The following LHFPL2 variants were observed in gnomAD, a reference collection of about 807,000 sequenced individuals.
LHFPL2 encodes LHFPL tetraspan subfamily member 2.
A neutral mutation model predicts 17.5 loss-of-function variants in LHFPL2; 7 were observed. The ratio of observed to expected loss-of-function variants is 0.40; its 90% CI spans 0.23 to 0.75. The LOEUF (loss-of-function observed/expected upper bound fraction) is 0.75, where lower values mean the gene tolerates loss of function less well. Ranked by LOEUF, LHFPL2 falls within the 30% of genes least tolerant of loss-of-function variation. The probability of loss-of-function intolerance (pLI) is 0.37; values close to 1 mark genes in which losing one functional copy is unlikely to be tolerated. For missense variants in LHFPL2, 241 were observed against 294.8 expected (o/e 0.82, Z 1.34); for synonymous variants, 134 against 116.2 (o/e 1.15, Z -0.99).
chr5:78,581,412 G>A (rs1475816980), intron 2 of LHFPL2, among the ~76,000 whole-genome samples: 1 of 152,154 alleles, frequency 6.6e-6, no homozygotes. Context: ...CATTCAGTAT[G>A]ATATTGGCTG....
intron 2 of LHFPL2, among the ~76,000 whole-genome samples, chr5:78,574,722 G>C (rs886340155): frequency 2.6e-5 from 4 of 152,260 alleles, no homozygotes; most frequent in Non-Finnish European, 5.9e-5. Context: ...TGTGCTAACA[G>C]GTTGCAGATG....
intron 3 of LHFPL2, among the ~76,000 whole-genome samples, chr5:78,542,438 G>C (rs1188748410): frequency 1.3e-5 from 2 of 152,176 alleles, no homozygotes; most frequent in African/African-American, 4.8e-5. Context: ...AATCACCCTA[G>C]TGGGCTTCTC....
chr5:78,614,634 G>A (rs1013520411), intron 2 of LHFPL2, among the ~76,000 whole-genome samples: 22 of 152,070 alleles, frequency 1.4e-4, no homozygotes, highest in African/African-American at 5.3e-4. Flanking sequence ...AACTTATGGT[G>A]GAACCCATAT....
chr5:78,545,932 T>C (rs1455577397), intron 3 of LHFPL2, among the ~76,000 whole-genome samples: 1 of 152,166 alleles, frequency 6.6e-6, no homozygotes, highest in South Asian at 2.1e-4. Context: ...GCTAAGGCCA[T>C]GATACAGAGG....
intron 4 of LHFPL2, among the ~76,000 whole-genome samples, chr5:78,500,648 CAG>C (rs1204612170): frequency 2.0e-5 from 3 of 152,276 alleles, no homozygotes; most frequent in African/African-American, 7.2e-5. Flanking sequence ...GTTAGCCACT[CAG>C]AGTCTGAATA....
intron 4 of LHFPL2, among the ~76,000 whole-genome samples, chr5:78,502,919 T>C (rs1443465224): frequency 1.3e-5 from 2 of 151,328 alleles, no homozygotes; most frequent in Non-Finnish European, 2.9e-5. Flanking sequence ...GTATTTGTAC[T>C]GATTCTTAAA....
At chr5:78,544,993 T>C (rs1241596320) in intron 3 of LHFPL2, among the ~76,000 whole-genome samples, 1 of 152,154 alleles carries the variant, frequency 6.6e-6, no homozygotes, top group African/African-American at 2.4e-5. Flanking sequence ...CTCTGGATCG[T>C]GCATCACTCA....
chr5:78,559,698 G>A lies in LHFPL2; in HGVS notation c.-186+5115C>T, dbSNP rs528165929. ...CCTATATTTGGTCCAATTTACCATC[G>A]AGTAAAGGGAGAAGGTTGTTACACT... is the stretch of plus-strand genomic sequence containing the variant. On this transcript the variant is annotated intron_variant, in intron 3 of 4. Coordinates refer to ENST00000380345, the MANE Select transcript of LHFPL2 (RefSeq NM_005779.3). 5.9e-5 allele frequency among the ~76,000 whole-genome samples: 9 copies of A among 152,110 alleles called. No individual in the cohort carries two copies. The East Asian group carries it at 1.2e-3, about 20-fold the overall frequency.
intron 2 of LHFPL2, among the ~76,000 whole-genome samples, chr5:78,590,346 G>T (rs1167434349): frequency 6.6e-6 from 1 of 152,088 alleles, no homozygotes; most frequent in Non-Finnish European, 1.5e-5. Flanking sequence ...TGAAATCAAG[G>T]TCTTTATACT....
At chr5:78,514,483 G>T (rs543939533) in intron 3 of LHFPL2, among the ~76,000 whole-genome samples, 4 of 152,288 alleles carry the variant, frequency 2.6e-5, no homozygotes, top group African/African-American at 9.6e-5. Context: ...ATTCTTCCCA[G>T]AGCCCTAATT....
At chr5:78,644,264 A>G in intron 1 of LHFPL2, 1 of 781,630 alleles carries the variant, frequency 1.3e-6, no homozygotes. Context: ...TGCTAGAACC[A>G]ACTTATTCAT....
intron 2 of LHFPL2, chr5:78,625,763 A>G (rs1280379119): frequency 6.6e-6 from 1 of 152,234 alleles, no homozygotes; most frequent in African/African-American, 2.4e-5. Context: ...CAATGCAGGC[A>G]CCAAAGGTAT....
intron 1 of LHFPL2, among the ~76,000 whole-genome samples, chr5:78,647,777 C>T (rs1745936125): frequency 1.3e-5 from 2 of 152,056 alleles, no homozygotes; most frequent in Non-Finnish European, 2.9e-5. Context: ...TGAAGAAAAT[C>T]CTTTGCTTTT....
At chr5:78,585,324 A>T (rs1743342231) in intron 2 of LHFPL2, among the ~76,000 whole-genome samples, 1 of 145,778 alleles carries the variant, frequency 6.9e-6, no homozygotes, top group East Asian at 2.0e-4. Flanking sequence ...CTGTTTTTTA[A>T]GCCCGTTGGA....
chr5:78,639,332 AAAAC>A (rs751237454), intron 1 of LHFPL2, among the ~76,000 whole-genome samples: 80 of 152,296 alleles, frequency 5.3e-4, no homozygotes, highest in African/African-American at 1.1e-3. Context: ...CAAGCTGGGA[AAAAC>A]AAACAAACAA....
intron 4 of LHFPL2, chr5:78,494,239 CTG>C (rs1754536062): frequency 2.8e-6 from 1 of 355,534 alleles, no homozygotes; most frequent in Admixed American, 6.5e-5. Context: ...TGATTCATGA[CTG>C]GGTCGCAGCA....
chr5:78,578,885 T>C (rs906110018), intron 2 of LHFPL2, among the ~76,000 whole-genome samples: 1 of 152,178 alleles, frequency 6.6e-6, no homozygotes, highest in South Asian at 2.1e-4. Flanking sequence ...ACGTGATCTA[T>C]CAGCAACGTA....
At chr5:78,610,243 G>A (rs1445889734) in intron 2 of LHFPL2, among the ~76,000 whole-genome samples, 1 of 152,172 alleles carries the variant, frequency 6.6e-6, no homozygotes, top group Non-Finnish European at 1.5e-5. Flanking sequence ...GGGCAGGCAG[G>A]AATGCAGGGT....
chr5:78,613,610 CATG>C (rs1486606957), intron 2 of LHFPL2, among the ~76,000 whole-genome samples: 1 of 152,194 alleles, frequency 6.6e-6, no homozygotes, highest in East Asian at 1.9e-4. Context: ...CTCCTGTTTG[CATG>C]AGGTCAACCT....
Sources: gnomAD v4.1 joint callset for allele counts (sites outside exome capture counted in the v4.1 genomes callset) on GRCh38, gnomAD v4.1.1 for gene constraint, MANE v1.5 for transcripts, NCBI Gene and HGNC (gene_info 2026-07-23, HGNC 2026-07-21) for gene names.